The following IGF1R variants were observed in gnomAD, a reference collection of about 807,000 sequenced individuals.
IGF1R encodes the protein insulin-like growth factor 1 receptor.
A neutral mutation model predicts 144.6 loss-of-function variants in IGF1R; 44 were observed. That is an observed-to-expected ratio of 0.30 (90% CI 0.24 to 0.39). The LOEUF is 0.39. Ranked by LOEUF, IGF1R falls within the 10% of genes least tolerant of loss-of-function variation. The pLI is 1.00. For synonymous variants in IGF1R, 795 were observed against 722.8 expected (o/e 1.10, Z -1.60); for missense variants, 1,355 against 1,833.7 (o/e 0.74, Z 4.77).
chr15:98,890,456 C>T (rs1192600985), intron 2 of IGF1R: 1 of 152,190 alleles, frequency 6.6e-6, no homozygotes, highest in Non-Finnish European at 1.5e-5. Context: ...CCTATATGGT[C>T]TAAAATGGAG....
chr15:98,947,482 C>G (rs1446438810), intron 19 of IGF1R, among the ~76,000 whole-genome samples: 1 of 151,884 alleles, frequency 6.6e-6, no homozygotes, highest in Non-Finnish European at 1.5e-5. Flanking sequence ...CACCCTGCTC[C>G]CGCCCCTACT....
intron 1 of IGF1R, among the ~76,000 whole-genome samples, chr15:98,662,886 G>A (rs533572877): frequency 6.6e-6 from 1 of 152,262 alleles, no homozygotes; most frequent in East Asian, 1.9e-4. Flanking sequence ...GTGTTTGTGT[G>A]GTGGGAAGGA....
chr15:98,655,423 T>A (rs561041164), intron 1 of IGF1R, among the ~76,000 whole-genome samples: 15 of 152,336 alleles, frequency 9.8e-5, no homozygotes, highest in Admixed American at 7.8e-4. Flanking sequence ...GATGCCGGCT[T>A]TACTTATGTT....
intron 20 of IGF1R, among the ~76,000 whole-genome samples, chr15:98,951,711 A>ACGTGGGCCTCTC (rs2016781871): frequency 1.3e-5 from 2 of 152,230 alleles, no homozygotes; most frequent in South Asian, 4.1e-4. Flanking sequence ...GCCCTGTTCT[A>ACGTGGGCCTCTC]CGTGGGCCTC....
At chr15:98,878,061 G>A (rs1182681952) in intron 2 of IGF1R, among the ~76,000 whole-genome samples, 1 of 152,232 alleles carries the variant, frequency 6.6e-6, no homozygotes, top group African/African-American at 2.4e-5. Flanking sequence ...AGCGTCTAAG[G>A]TATGTGTAAT....
At chr15:98,736,090 A>G (rs556947626) in intron 2 of IGF1R, among the ~76,000 whole-genome samples, 39 of 152,362 alleles carry the variant, frequency 2.6e-4, no homozygotes, top group African/African-American at 8.7e-4. Context: ...TTAAAAAGAA[A>G]AACAATCCAA....
intron 2 of IGF1R, among the ~76,000 whole-genome samples, chr15:98,818,340 T>C (rs1209361376): frequency 2.0e-5 from 3 of 152,080 alleles, no homozygotes; most frequent in African/African-American, 7.2e-5. Flanking sequence ...ATTTACTCAA[T>C]ACACAGTGGA....
chr15:98,779,985 G>A (rs2055815863), intron 2 of IGF1R, among the ~76,000 whole-genome samples: 1 of 152,106 alleles, frequency 6.6e-6, no homozygotes, highest in African/African-American at 2.4e-5. Flanking sequence ...CTGGCTCCGG[G>A]ATGTCAGCTG....
intron 2 of IGF1R, among the ~76,000 whole-genome samples, chr15:98,785,928 C>T (rs1156990753): frequency 2.0e-5 from 3 of 152,154 alleles, no homozygotes; most frequent in Non-Finnish European, 4.4e-5. Context: ...AATGTGGGCT[C>T]GGTCTGCTGA....
chr15:98,829,378 A>AC (rs1356508131), intron 2 of IGF1R, among the ~76,000 whole-genome samples: 2 of 151,774 alleles, frequency 1.3e-5, no homozygotes, highest in Non-Finnish European at 2.9e-5. Flanking sequence ...TAAAAAAAAA[A>AC]AAACTTGAGG....
intron 2 of IGF1R, among the ~76,000 whole-genome samples, chr15:98,882,948 G>A (rs943027819): frequency 6.6e-6 from 1 of 152,222 alleles, no homozygotes; most frequent in Non-Finnish European, 1.5e-5. Flanking sequence ...CTGCTCAGGT[G>A]TACCTTTCTG....
chr15:98,669,233 C>T (rs1222665311), intron 1 of IGF1R, among the ~76,000 whole-genome samples: 2 of 152,184 alleles, frequency 1.3e-5, no homozygotes, highest in African/African-American at 4.8e-5. Flanking sequence ...CTTTTATCTG[C>T]TCTCTGAAAC....
At chr15:98,818,134 A>G (rs1304763513) in intron 2 of IGF1R, among the ~76,000 whole-genome samples, 2 of 152,110 alleles carry the variant, frequency 1.3e-5, no homozygotes, top group African/African-American at 4.8e-5. Flanking sequence ...TTTGATCTTA[A>G]TTGTCTCCTT....
chr15:98,887,428 C>CTTGAG (rs57903479), intron 2 of IGF1R, among the ~76,000 whole-genome samples: 49,317 of 151,594 alleles, frequency 0.33, 8,895 homozygotes, highest in East Asian at 0.55. Context: ...TTTCAACGTT[C>CTTGAG]TTATTACTAC....
At chr15:98,830,708 A>G (rs1004720249) in intron 2 of IGF1R, among the ~76,000 whole-genome samples, 3 of 151,112 alleles carry the variant, frequency 2.0e-5, no homozygotes, top group Non-Finnish European at 2.9e-5. Flanking sequence ...GGTTCAAGCA[A>G]TTCTCCTGCG....
chr15:98,896,076 C>G (rs1567183391), intron 3 of IGF1R, among the ~76,000 whole-genome samples: 2 of 152,104 alleles, frequency 1.3e-5, no homozygotes, highest in Non-Finnish European at 2.9e-5. Context: ...GTATTTGAAA[C>G]AAGAGCTCAT....
intron 2 of IGF1R, among the ~76,000 whole-genome samples, chr15:98,867,425 C>T (rs969867685): frequency 4.6e-5 from 7 of 152,170 alleles, no homozygotes; most frequent in Non-Finnish European, 7.4e-5. Context: ...AGAAGCCCCA[C>T]CCCTACCACT....
chr15:98,655,318 T>C (rs543161681), intron 1 of IGF1R, among the ~76,000 whole-genome samples: 1 of 152,244 alleles, frequency 6.6e-6, no homozygotes, highest in Non-Finnish European at 1.5e-5. Context: ...TTGAGACTTT[T>C]GGACTTTTGA....
intron 2 of IGF1R, among the ~76,000 whole-genome samples, chr15:98,729,447 G>C (rs1333900959): frequency 1.3e-5 from 2 of 152,126 alleles, no homozygotes; most frequent in African/African-American, 4.8e-5. Flanking sequence ...TTTTAACCAT[G>C]TGCTTTTATT....
Sources: allele counts gnomAD v4.1 joint callset (sites outside exome capture counted in the v4.1 genomes callset), GRCh38; gene constraint gnomAD v4.1.1; transcripts MANE v1.5; gene names NCBI Gene and HGNC (gene_info 2026-07-23, HGNC 2026-07-21).